Variants in UQCC1 observed in about 807,000 individuals in gnomAD.
UQCC1 encodes bFGF-repressed Zic-binding protein.
UQCC1 carries 38 observed loss-of-function variants against 48.0 expected under a neutral mutation model. The ratio of observed to expected loss-of-function variants is 0.79; its 90% CI spans 0.61 to 1.04. The LOEUF is 1.04. Ranked by LOEUF, UQCC1 falls within the 50% of genes least tolerant of loss-of-function variation. The probability of loss-of-function intolerance (pLI) is 0.00; values close to 1 mark genes in which losing one functional copy is unlikely to be tolerated. For missense variants in UQCC1, 368 were observed against 381.8 expected (o/e 0.96, Z 0.30); for synonymous variants, 111 against 129.2 (o/e 0.86, Z 0.95).
At chr20:35,396,649 G>A (rs1275899005) in intron 1 of UQCC1, among the ~76,000 whole-genome samples, 1 of 152,120 alleles carries the variant, frequency 6.6e-6, no homozygotes, top group African/African-American at 2.4e-5. Flanking sequence ...AGATTAAATG[G>A]CTGTTCAAGC....
In UQCC1 at chr20:35,392,309, C is replaced by T. The variant is rs576698256; in HGVS notation, c.129+1783G>A. ...GATAGGAAGATACTCCAGTAAGTTA[C>T]AGTCGATACGACAAAAGGTCCAGTT... On this transcript the variant is annotated intron_variant, in intron 2 of 9. Coordinates refer to ENST00000374385, the MANE Select transcript of UQCC1 (RefSeq NM_018244.5). 6.0e-5 allele frequency: 78 copies of T among 1,303,482 alleles called. 1 individual carries two copies. Among genetic ancestry groups the T allele is most frequent in the African/African-American group, 5.9e-4 (39 of 65,964 alleles). The allele number at this position is 1,303,482 out of a possible 1,614,324, so 80.7% of individuals were successfully genotyped here. A position where few individuals can be genotyped will look rare whatever the true frequency, so the allele number is the denominator to read the frequency against.
chr20:35,327,653 T>C (rs1484399770), intron 7 of UQCC1, among the ~76,000 whole-genome samples: 2 of 152,078 alleles, frequency 1.3e-5, no homozygotes, highest in African/African-American at 4.8e-5. Flanking sequence ...CTTACTTAAG[T>C]AGTGAGGTGG....
intron 6 of UQCC1, among the ~76,000 whole-genome samples, chr20:35,360,066 C>T (rs1396064137): frequency 1.3e-5 from 2 of 152,154 alleles, no homozygotes; most frequent in Admixed American, 6.5e-5. Flanking sequence ...GTCAGATCCA[C>T]TATAAAGAAT....
At chr20:35,402,416 A>G (rs1215044169) in intron 1 of UQCC1, among the ~76,000 whole-genome samples, 1 of 151,966 alleles carries the variant, frequency 6.6e-6, no homozygotes, top group Non-Finnish European at 1.5e-5. Flanking sequence ...GTCTCTACTA[A>G]AAATACAAAA....
intron 2 of UQCC1, among the ~76,000 whole-genome samples, chr20:35,391,878 T>C (rs571662802): frequency 1.3e-5 from 2 of 152,320 alleles, no homozygotes; most frequent in African/African-American, 4.8e-5. Flanking sequence ...CTACTACTTT[T>C]ACAACTCTTA....
chr20:35,404,016 T>C (rs2146540603), intron 1 of UQCC1, among the ~76,000 whole-genome samples: 1 of 151,798 alleles, frequency 6.6e-6, no homozygotes, highest in South Asian at 2.1e-4. Flanking sequence ...GGAGGGCGGA[T>C]CACAAGGTCA....
chr20:35,372,203 T>C (rs1051524489), intron 5 of UQCC1, among the ~76,000 whole-genome samples: 2 of 151,540 alleles, frequency 1.3e-5, no homozygotes, highest in African/African-American at 4.9e-5. Flanking sequence ...TCCCAGCTAC[T>C]TGGGAGGCTG....
intron 7 of UQCC1, among the ~76,000 whole-genome samples, chr20:35,321,252 CTGTGTG>C (rs58532328): frequency 0.021 from 3,075 of 147,296 alleles, 50 homozygotes; most frequent in African/African-American, 0.039. Context: ...ACAAACAAAA[CTGTGTG>C]TGTGTGTGTG....
At chr20:35,332,865 A>G (rs577838521) in intron 7 of UQCC1, among the ~76,000 whole-genome samples, 39 of 152,334 alleles carry the variant, frequency 2.6e-4, no homozygotes, top group African/African-American at 8.4e-4. Context: ...ACTTACCTCA[A>G]GGCATCCTTC....
intron 6 of UQCC1, among the ~76,000 whole-genome samples, chr20:35,353,289 C>G (rs1323250013): frequency 6.7e-6 from 1 of 150,356 alleles, no homozygotes; most frequent in African/African-American, 2.4e-5. Flanking sequence ...CCCAGCTACT[C>G]AGGAGGCTGA....
chr20:35,382,378 C>T (rs1311096287), intron 3 of UQCC1, among the ~76,000 whole-genome samples: 1 of 152,036 alleles, frequency 6.6e-6, no homozygotes, highest in Non-Finnish European at 1.5e-5. Flanking sequence ...TGGCCTCAAG[C>T]AATCTTCCTG....
intron 7 of UQCC1, among the ~76,000 whole-genome samples, chr20:35,340,930 A>C (rs1237632864): frequency 2.6e-5 from 4 of 152,182 alleles, no homozygotes; most frequent in Non-Finnish European, 5.9e-5. Flanking sequence ...GTTAGTTTAG[A>C]AAGATAAAAT....
chr20:35,404,056 T>C (rs2062209555), intron 1 of UQCC1, among the ~76,000 whole-genome samples: 1 of 151,384 alleles, frequency 6.6e-6, no homozygotes, highest in African/African-American at 2.4e-5. Context: ...GCTAACATGG[T>C]GAAACCCCAT....
intron 7 of UQCC1, among the ~76,000 whole-genome samples, chr20:35,338,190 C>CT (rs900092939): frequency 6.6e-6 from 1 of 152,004 alleles, no homozygotes; most frequent in Non-Finnish European, 1.5e-5. Flanking sequence ...CCCTTAATCT[C>CT]TATTAGTCCT....
intron 6 of UQCC1, among the ~76,000 whole-genome samples, chr20:35,358,116 G>C (rs2061566458): frequency 6.6e-6 from 1 of 152,108 alleles, no homozygotes; most frequent in African/African-American, 2.4e-5. Context: ...CACTTTGGGA[G>C]GCCGAGGAGG....
In UQCC1 at chr20:35,364,404, T is replaced by G. The variant is rs561655033; in HGVS notation, c.464+2153A>C. On this transcript the variant is annotated intron_variant, in intron 6 of 9. Transcript: ENST00000374385. ...ATGTCTGTTTTCCATTAGACTTACA[T>G]TTCTTGAAGATACAGACACAGAGTC... is the stretch of plus-strand genomic sequence containing the variant. 5.3e-5 allele frequency among the ~76,000 whole-genome samples: 8 copies of G among 152,328 alleles called. No individual in the cohort carries two copies. The South Asian group carries it at 6.2e-4, about 12-fold the overall frequency.
At chr20:35,408,142 T>A (rs6087702) in intron 1 of UQCC1, among the ~76,000 whole-genome samples, 84,935 of 151,928 alleles carry the variant, frequency 0.56, 24,454 homozygotes, top group East Asian at 0.72. Flanking sequence ...AAAAACAGAA[T>A]ATAAGGCCAC....
chr20:35,387,509 G>T (rs914045233), intron 2 of UQCC1, among the ~76,000 whole-genome samples: 1 of 151,038 alleles, frequency 6.6e-6, no homozygotes, highest in South Asian at 2.1e-4. Context: ...ATAAAAACTA[G>T]GTGGATTTTT....
chr20:35,390,353 C>A (rs1233331553), intron 2 of UQCC1, among the ~76,000 whole-genome samples: 1 of 148,834 alleles, frequency 6.7e-6, no homozygotes, highest in Non-Finnish European at 1.5e-5. Context: ...ACCTGGGAGG[C>A]GGAGGTTGCA....
Sources: allele counts gnomAD v4.1 joint callset (sites outside exome capture counted in the v4.1 genomes callset), GRCh38; gene constraint gnomAD v4.1.1; transcripts MANE v1.5; gene names NCBI Gene and HGNC (gene_info 2026-07-23, HGNC 2026-07-21).